TAB2: variants seen among roughly 807,000 people sequenced by gnomAD.
TAB2 encodes TGF-beta activated kinase 1 (MAP3K7) binding protein 2.
TAB2 carries 3 observed loss-of-function variants against 65.0 expected under a neutral mutation model. The observed-to-expected ratio is 0.05, with a 90% confidence interval of 0.02 to 0.12. The LOEUF is 0.12. Ranked by LOEUF, TAB2 falls within the 10% of genes least tolerant of loss-of-function variation. TAB2 has a pLI of 1.00. For synonymous variants in TAB2, 298 were observed against 285.1 expected (o/e 1.05, Z -0.46); for missense variants, 623 against 840.3 (o/e 0.74, Z 3.20).
intron 1 of TAB2, chr6:149,253,096 CCAA>C (rs1400544263): frequency 6.6e-6 from 1 of 152,240 alleles, no homozygotes; most frequent in African/African-American, 2.4e-5. Context: ...TACCAACAAA[CCAA>C]CAACAATTAT....
At chr6:149,237,703 G>A (rs1777521068) in intron 1 of TAB2, among the ~76,000 whole-genome samples, 1 of 152,088 alleles carries the variant, frequency 6.6e-6, no homozygotes, top group South Asian at 2.1e-4. Flanking sequence ...GAACACCCCA[G>A]GGTGCCCCAC....
intron 3 of TAB2, among the ~76,000 whole-genome samples, chr6:149,396,551 C>T (rs1470731971): frequency 2.0e-5 from 3 of 152,170 alleles, no homozygotes; most frequent in African/African-American, 4.8e-5. Context: ...AAGATAGAAT[C>T]ATCCCATGTT....
intron 1 of TAB2, among the ~76,000 whole-genome samples, chr6:149,285,665 G>T (rs9485370): frequency 0.2 from 30,483 of 152,168 alleles, 3,271 homozygotes; most frequent in East Asian, 0.43. Flanking sequence ...TAAGGAAGGC[G>T]CGTAAGAGAG....
At chr6:149,350,451 G>C (rs955053795) in intron 1 of TAB2, among the ~76,000 whole-genome samples, 1 of 152,000 alleles carries the variant, frequency 6.6e-6, no homozygotes, top group African/African-American at 2.4e-5. Flanking sequence ...ACCGCTAATG[G>C]CTACTTTGGA....
chr6:149,289,313 A>C (rs1311504218), intron 1 of TAB2, among the ~76,000 whole-genome samples: 1 of 151,800 alleles, frequency 6.6e-6, no homozygotes, highest in East Asian at 1.9e-4. Context: ...GGATTGCTTG[A>C]GCCCAAGGGG....
chr6:149,409,438 TGTGTCA>T, intron 6 of TAB2, 133 bp from the exon 7 acceptor site: 1 of 721,564 alleles, frequency 1.4e-6, no homozygotes, highest in Non-Finnish European at 2.4e-6. Context: ...ATCGAGCATG[TGTGTCA>T]GTGTCAGCTA....
intron 6 of TAB2, chr6:149,400,723 A>AC (rs1782355935): frequency 6.3e-7 from 1 of 1,586,314 alleles, no homozygotes; most frequent in African/African-American, 1.4e-5. Flanking sequence ...TTCTTTAAAG[A>AC]CCAAGATTAC....
chr6:149,331,879 G>C (rs1417461266), intron 1 of TAB2, among the ~76,000 whole-genome samples: 1 of 152,102 alleles, frequency 6.6e-6, no homozygotes, highest in Non-Finnish European at 1.5e-5. Flanking sequence ...TTTGGAGATA[G>C]AGCAAAGATT....
intron 6 of TAB2, among the ~76,000 whole-genome samples, chr6:149,406,256 C>T (rs1393085421): frequency 6.6e-6 from 1 of 152,070 alleles, no homozygotes; most frequent in African/African-American, 2.4e-5. Flanking sequence ...TTACTTCTTC[C>T]TTCATAAGAA....
intron 1 of TAB2, among the ~76,000 whole-genome samples, chr6:149,260,024 CT>C (rs1778119447): frequency 6.6e-6 from 1 of 152,202 alleles, no homozygotes; most frequent in African/African-American, 2.4e-5. Context: ...ATTATCTGCC[CT>C]CTTTCTCAAT....
chr6:149,291,117 G>A (rs541131813), intron 1 of TAB2, among the ~76,000 whole-genome samples: 86 of 152,284 alleles, frequency 5.6e-4, no homozygotes, highest in Non-Finnish European at 7.4e-5. Flanking sequence ...TCAAACACAA[G>A]CCCTGAGTTC....
At chr6:149,357,860 C>A (rs374390755) in intron 1 of TAB2, among the ~76,000 whole-genome samples, 1 of 152,046 alleles carries the variant, frequency 6.6e-6, no homozygotes, top group African/African-American at 2.4e-5. Context: ...CCCCTACGCC[C>A]GGCTGATTTT....
At chr6:149,354,575 G>A (rs1029817077) in intron 1 of TAB2, among the ~76,000 whole-genome samples, 2 of 152,120 alleles carry the variant, frequency 1.3e-5, no homozygotes, top group African/African-American at 4.8e-5. Flanking sequence ...GATCAAGAAG[G>A]TGTATAATGA....
At position 149,378,716 on chromosome 6, in the gene TAB2, T is replaced by C; in HGVS notation, c.801T>C (p.His267=). 1 of 1,614,060 alleles carries C rather than the reference T, an allele frequency of 6.2e-7. No homozygotes were observed. Among genetic ancestry groups the C allele is most frequent in the Middle Eastern group, 1.6e-4 (1 of 6,062 alleles). The stretch of plus-strand genomic sequence containing the variant: ...GTCCTGCATCTAATCCTCTGTCACA[T>C]ACCTCATCTCAACAGCCAAATCAGC... The part of the protein sequence containing the change: ...TTCPASNPLS[H]TSSQQPNQQG... The change falls in exon 3 of 7, where the codon CAT becomes CAC. Residue 267 remains histidine, a synonymous_variant. Coordinates refer to ENST00000637181, the MANE Select transcript of TAB2 (RefSeq NM_001292034.3).
At chr6:149,318,282 A>T (rs947036838) in intron 1 of TAB2, among the ~76,000 whole-genome samples, 1 of 109,144 alleles carries the variant, frequency 9.2e-6, no homozygotes, top group African/African-American at 3.1e-5. Context: ...GCGGGGGGGG[A>T]GGGGGAGCTT....
intron 3 of TAB2, among the ~76,000 whole-genome samples, chr6:149,388,384 G>A (rs529320101): frequency 6.6e-6 from 1 of 152,320 alleles, no homozygotes; most frequent in East Asian, 1.9e-4. Flanking sequence ...ACATACCTGG[G>A]AGACAGAGAG....
At chr6:149,391,221 G>T (rs574598950) in intron 3 of TAB2, among the ~76,000 whole-genome samples, 12 of 152,202 alleles carry the variant, frequency 7.9e-5, no homozygotes, top group African/African-American at 2.9e-4. Flanking sequence ...GTGTCAATAT[G>T]ATTATTGTAC....
At chr6:149,316,757 A>G (rs1401841826), upstream of TAB2, among the ~76,000 whole-genome samples, 1 of 152,190 alleles carries the variant, frequency 6.6e-6, no homozygotes, top group Non-Finnish European at 1.5e-5. Context: ...TGCAATTAAA[A>G]TAAAATCGAA....
chr6:149,386,047 T>G (rs1781797325), intron 3 of TAB2, among the ~76,000 whole-genome samples: 1 of 152,132 alleles, frequency 6.6e-6, no homozygotes, highest in Non-Finnish European at 1.5e-5. Context: ...CTTCCCATTA[T>G]ATTCATTCCC....
Sources: allele counts gnomAD v4.1 joint callset (sites outside exome capture counted in the v4.1 genomes callset), GRCh38; gene constraint gnomAD v4.1.1; transcripts MANE v1.5; gene names NCBI Gene and HGNC (gene_info 2026-07-23, HGNC 2026-07-21).